The following FREM1 variants were observed in gnomAD, a reference collection of about 807,000 sequenced individuals.
FREM1 encodes the protein FRAS1-related extracellular matrix protein 1.
Under a neutral mutation model 210.1 loss-of-function variants are expected in FREM1, and 220 were observed. That is an observed-to-expected ratio of 1.05 (90% CI 0.94 to 1.17). The LOEUF is 1.17. Ranked by LOEUF, FREM1 falls within the 50% of genes most tolerant of loss-of-function variation. The pLI, the probability that FREM1 is intolerant of heterozygous loss-of-function variation, is 0.00. For synonymous variants in FREM1, 1,189 were observed against 980.2 expected, an observed-to-expected ratio of 1.21 and a Z score of -3.98; for missense variants, 3,454 against 2,675.5, an observed-to-expected ratio of 1.29 and a Z score of -6.42.
At position 14,782,118 on chromosome 9, in the gene FREM1, A is replaced by C. The variant is rs147534822; in HGVS notation, c.4442+2252T>G. ...AATTACCTGAAGATATCTTTCAAAA[A>C]TACAGATTTCTGGGCCTGAGACTGG... On this transcript the variant is annotated intron_variant, in intron 24 of 36. Transcript: ENST00000380880. Among the ~76,000 whole-genome samples the C allele has an allele frequency of 2.8e-3, 427 of 151,730 alleles. 1 individual carries two copies. Among genetic ancestry groups the C allele is most frequent in the Non-Finnish European group, 5.2e-3 (351 of 67,746 alleles).
At chr9:14,742,020 G>C (rs755940792) in intron 35 of FREM1, among the ~76,000 whole-genome samples, 1 of 152,070 alleles carries the variant, frequency 6.6e-6, no homozygotes, top group Non-Finnish European at 1.5e-5. Context: ...AATGTTAAGA[G>C]CATAGTTATT....
intron 12 of FREM1, 76 bp downstream of exon 12, chr9:14,823,949 C>A (rs1821845048): frequency 1.3e-6 from 1 of 747,472 alleles, no homozygotes. Context: ...CATTCTCAGG[C>A]ACAATACTAG....
intron 31 of FREM1, 118 bp from the exon 32 acceptor site, chr9:14,747,846 CTTAAGAT>C (rs1842741291): frequency 5.5e-6 from 3 of 550,342 alleles, no homozygotes; most frequent in Non-Finnish European, 9.4e-6. Flanking sequence ...CATATGTAAT[CTTAAGAT>C]TTCCCACGCC....
intron 1 of FREM1, among the ~76,000 whole-genome samples, chr9:14,878,029 G>C (rs1192959637): frequency 1.3e-5 from 2 of 152,150 alleles, no homozygotes; most frequent in East Asian, 3.8e-4. Flanking sequence ...GATTGCAATA[G>C]CATCCTATTT....
At chr9:14,816,756 A>T (rs1396330899) in intron 15 of FREM1, 22 bp downstream of exon 15, 4 of 1,299,662 alleles carry the variant, frequency 3.1e-6, no homozygotes, top group Non-Finnish European at 4.1e-6. Flanking sequence ...ACAATAACCC[A>T]GGGAAGAAAC....
rs1193175724 is a variant in FREM1, at chr9:14,824,083, T to C, written c.2111A>G (p.Asp704Gly). ...ATTCTTAACTACTTTTGGTATGCTG[T>C]CCACCATAAATAATTTCCCAGCATC... ...HLDAGKLFMV[D>G]SIPKVVKNPT... is the part of the protein sequence containing the mutation. The change falls in exon 12 of 37, where the codon GAC becomes GGC. Residue 704 changes from aspartate to glycine, a missense_variant. Transcript: ENST00000380880. The C allele has an allele frequency of 3.8e-6, 6 of 1,589,172 alleles. No homozygotes were observed. Among genetic ancestry groups the C allele is most frequent in the Middle Eastern group, 1.7e-4 (1 of 6,034 alleles).
chr9:14,820,545 C>T (rs958858298), intron 13 of FREM1, among the ~76,000 whole-genome samples: 2 of 152,212 alleles, frequency 1.3e-5, no homozygotes, highest in Admixed American at 6.5e-5. Context: ...GAAGCTGCAG[C>T]CTCTGCTCAA....
intron 6 of FREM1, among the ~76,000 whole-genome samples, chr9:14,850,145 G>A (rs931684363): frequency 6.6e-6 from 1 of 152,114 alleles, no homozygotes; most frequent in Non-Finnish European, 1.5e-5. Context: ...CAAGTTGCTG[G>A]TAGTTCTTTA....
In FREM1 at chr9:14,877,468, G is replaced by A. The variant is rs147851470; in HGVS notation, c.-267-8224C>T. Among the ~76,000 whole-genome samples, 81 of 127,002 alleles carry A rather than the reference G, an allele frequency of 6.4e-4. 1 individual carries two copies. The highest frequency in any genetic ancestry group is 2.3e-3 in the African/African-American group (77 of 34,200). 83.3% of individuals were successfully genotyped at this position (127,002 alleles called of 152,430 possible). ...TCTTTATGGTAGACAGATCTTAGGT[G>A]ACCCCCCAAATAATTCCAGTCTCCT... On this transcript the variant is annotated intron_variant, in intron 1 of 36. Transcript: ENST00000380880.
chr9:14,740,449 T>C, intron 35 of FREM1, among the ~76,000 whole-genome samples: 1 of 152,234 alleles, frequency 6.6e-6, no homozygotes, highest in East Asian at 1.9e-4. Context: ...TTATAATATC[T>C]GGGCTTTACA....
rs746516436 is a variant in FREM1 at position 14,737,515 on chromosome 9, G to A, written c.6421C>T (p.Pro2141Ser). The A allele has an allele frequency of 1.2e-5, 20 of 1,612,328 alleles. 1 individual carries two copies. The highest frequency in any genetic ancestry group is 1.7e-5 in the Non-Finnish European group (20 of 1,179,102). ...TTTCCAAGCTTGGAGCGTTGAGAGG[G>A]CCCTCTTCTCCCATTGGTGAAGGCA... ...PVAFTNGRRG[P>S]SQRSKLGKSC... Residue 2141 changes from proline to serine, a missense_variant, in exon 37 of 37, where the codon CCC (proline) becomes TCC (serine). Transcript: ENST00000380880.
chr9:14,746,879 C>A (rs199776467), intron 34 of FREM1, 44 bp downstream of exon 34: 1 of 1,600,880 alleles, frequency 6.2e-7, no homozygotes, highest in Non-Finnish European at 8.5e-7. Context: ...TATCATAGAG[C>A]ACATTGCGAA....
At chr9:14,741,641 G>A (rs1002370902) in intron 35 of FREM1, among the ~76,000 whole-genome samples, 1 of 152,172 alleles carries the variant, frequency 6.6e-6, no homozygotes, top group African/African-American at 2.4e-5. Context: ...AATATAAGCT[G>A]AGGGAGGGCT....
intron 1 of FREM1, among the ~76,000 whole-genome samples, chr9:14,901,632 G>T (rs1367480154): frequency 3.3e-5 from 5 of 152,026 alleles, no homozygotes; most frequent in African/African-American, 9.7e-5. Flanking sequence ...GCATGACACA[G>T]GTCACCTTTA....
intron 1 of FREM1, among the ~76,000 whole-genome samples, chr9:14,896,079 C>T (rs1297501005): frequency 6.6e-6 from 1 of 152,192 alleles, no homozygotes; most frequent in South Asian, 2.1e-4. Context: ...GTCATAAAGA[C>T]CTTGCTGATG....
chr9:14,900,436 G>A (rs557381006), intron 1 of FREM1, among the ~76,000 whole-genome samples: 1 of 152,300 alleles, frequency 6.6e-6, no homozygotes, highest in African/African-American at 2.4e-5. Flanking sequence ...TAGGATCTTT[G>A]GCATGTCTAA....
chr9:14,778,970 C>T (rs1004829328), intron 24 of FREM1, among the ~76,000 whole-genome samples: 10 of 152,152 alleles, frequency 6.6e-5, no homozygotes, highest in African/African-American at 2.2e-4. Flanking sequence ...TTCACAGTTT[C>T]AAAAGTAAAC....
At chr9:14,865,232 A>T (rs1318378658) in intron 2 of FREM1, among the ~76,000 whole-genome samples, 4 of 152,172 alleles carry the variant, frequency 2.6e-5, no homozygotes, top group Non-Finnish European at 2.9e-5. Flanking sequence ...TTCCTATTCA[A>T]AAAAGCAAGT....
chr9:14,861,098 A>T (rs200860608), intron 3 of FREM1, among the ~76,000 whole-genome samples: 3,817 of 63,180 alleles, frequency 0.06, 685 homozygotes, highest in African/African-American at 0.087. Flanking sequence ...CATATATATA[A>T]ACATATATAC....
Sources: gnomAD v4.1 joint callset for allele counts (sites outside exome capture counted in the v4.1 genomes callset) on GRCh38, gnomAD v4.1.1 for gene constraint, MANE v1.5 for transcripts, NCBI Gene and HGNC (gene_info 2026-07-23, HGNC 2026-07-21) for gene names.